MTCL1: variants seen among roughly 807,000 people sequenced by gnomAD.
MTCL1 encodes microtubule crosslinking factor 1.
A neutral mutation model predicts 141.4 loss-of-function variants in MTCL1; 79 were observed. The observed-to-expected ratio is 0.56, with a 90% CI of 0.47 to 0.67. The LOEUF is 0.67. Ranked by LOEUF, MTCL1 falls within the 30% of genes least tolerant of loss-of-function variation. The pLI is 0.00. For synonymous variants in MTCL1, 914 were observed against 875.8 expected (o/e 1.04, Z -0.77); for missense variants, 2,177 against 2,113.9 (o/e 1.03, Z -0.59).
At chr18:8,739,427 C>T (rs543803997) in intron 4 of MTCL1, among the ~76,000 whole-genome samples, 159 of 152,088 alleles carry the variant, frequency 1.0e-3, no homozygotes, top group African/African-American at 3.6e-3. Flanking sequence ...AATATGAATG[C>T]GCTTCCCCCT....
At chr18:8,724,679 G>T (rs1226921044) in intron 4 of MTCL1, among the ~76,000 whole-genome samples, 1 of 152,032 alleles carries the variant, frequency 6.6e-6, no homozygotes. Flanking sequence ...ACCCATCCCC[G>T]GCTCCCTGTT....
chr18:8,724,579 A>G (rs1232797933), intron 4 of MTCL1, among the ~76,000 whole-genome samples: 1 of 152,046 alleles, frequency 6.6e-6, no homozygotes, highest in African/African-American at 2.4e-5. Flanking sequence ...TACATGCCAA[A>G]ATTCTGAACA....
At chr18:8,713,021 T>A (rs1302405777), upstream of MTCL1, among the ~76,000 whole-genome samples, 1 of 152,254 alleles carries the variant, frequency 6.6e-6, no homozygotes, top group Non-Finnish European at 1.5e-5. Context: ...TGGATTTGAC[T>A]TTTATTATAT....
intron 14 of MTCL1, among the ~76,000 whole-genome samples, chr18:8,823,031 A>G (rs2076896679): frequency 6.6e-6 from 1 of 152,052 alleles, no homozygotes; most frequent in Non-Finnish European, 1.5e-5. Flanking sequence ...CTCAAAAAAA[A>G]AAAAAGATAG....
chr18:8,756,353 GTATATATGTATATATGTGTATATATGTA>G (rs1298402661), intron 4 of MTCL1, among the ~76,000 whole-genome samples: 17 of 149,794 alleles, frequency 1.1e-4, no homozygotes, highest in African/African-American at 4.2e-4. Context: ...ATATATATGT[GTATATATGTATATATGTGTATATATGTA>G]TATATGTGTA....
chr18:8,718,657 G>A lies in MTCL1; in HGVS notation c.198+9G>A, dbSNP rs757402805. 3.1e-6 allele frequency: 5 copies of A among 1,612,008 alleles called. No individual in the cohort carries two copies. The East Asian group carries it at 8.9e-5, about 29-fold the overall frequency. ...TGGAGCAGGACTTGAAGGTGAGTGA[G>A]GGGGTGGTGCGTGCACCTCGCAAGG... On this transcript the variant is annotated intron_variant, in intron 3 of 16. Coordinates refer to ENST00000359865, the Ensembl canonical transcript of MTCL1.
chr18:8,829,156 G>A, intron 16 of MTCL1: 1 of 985,438 alleles, frequency 1.0e-6, no homozygotes, highest in Non-Finnish European at 1.2e-6. Flanking sequence ...CTCTGCTAGA[G>A]GGTTGACCAC....
chr18:8,768,025 A>C (rs888514790), intron 4 of MTCL1, among the ~76,000 whole-genome samples: 3 of 152,216 alleles, frequency 2.0e-5, no homozygotes, highest in African/African-American at 7.2e-5. Context: ...TAATGGCTAC[A>C]CAATATTATA....
At chr18:8,759,888 G>A (rs904788097) in intron 4 of MTCL1, among the ~76,000 whole-genome samples, 30 of 152,074 alleles carry the variant, frequency 2.0e-4, no homozygotes, top group African/African-American at 7.0e-4. Context: ...CGTGGTTTGC[G>A]ATTCCCGGTT....
chr18:8,756,409 G>A (rs964679128), intron 4 of MTCL1, among the ~76,000 whole-genome samples: 10 of 147,962 alleles, frequency 6.8e-5, no homozygotes, highest in South Asian at 2.1e-4. Context: ...ATATATGTGT[G>A]TATATGTGTA....
intron 1 of MTCL1, among the ~76,000 whole-genome samples, chr18:8,710,158 A>G (rs1367566057): frequency 6.6e-6 from 1 of 152,208 alleles, no homozygotes; most frequent in East Asian, 1.9e-4. Context: ...ATTTTTTTAA[A>G]TAGTCAGTGT....
chr18:8,716,345 G>A (rs2096128044), upstream of MTCL1, among the ~76,000 whole-genome samples: 1 of 152,126 alleles, frequency 6.6e-6, no homozygotes, highest in Non-Finnish European at 1.5e-5. Flanking sequence ...GGATAGTGTA[G>A]GCAGAGTGGA....
At chr18:8,746,962 G>A (rs2096341967) in intron 4 of MTCL1, among the ~76,000 whole-genome samples, 1 of 152,188 alleles carries the variant, frequency 6.6e-6, no homozygotes, top group Non-Finnish European at 1.5e-5. Flanking sequence ...TTTAGCTGGA[G>A]AACCTGGACT....
chr18:8,711,881 C>T (rs542890981), intron 1 of MTCL1, among the ~76,000 whole-genome samples: 9 of 152,210 alleles, frequency 5.9e-5, no homozygotes, highest in East Asian at 3.9e-4. Flanking sequence ...TTTGGTAAAG[C>T]GCTGGTGTGT....
chr18:8,707,956 A>C (rs1361164237), intron 1 of MTCL1, among the ~76,000 whole-genome samples: 3 of 152,252 alleles, frequency 2.0e-5, no homozygotes, highest in East Asian at 3.8e-4. Flanking sequence ...AAGAAGTAAC[A>C]GTGAGGCAGA....
intron 4 of MTCL1, among the ~76,000 whole-genome samples, chr18:8,772,960 G>A (rs1019265116): frequency 2.0e-5 from 3 of 152,092 alleles, no homozygotes; most frequent in Non-Finnish European, 2.9e-5. Context: ...TGTATGAGAT[G>A]ATGGTTATGT....
At chr18:8,808,215 T>G (rs192875020) in intron 11 of MTCL1, among the ~76,000 whole-genome samples, 4 of 152,150 alleles carry the variant, frequency 2.6e-5, no homozygotes, top group Admixed American at 6.5e-5. Context: ...ATGCTCTGTT[T>G]ATCTTAGTCC....
At chr18:8,791,536 A>G (rs1386333863) in intron 7 of MTCL1, among the ~76,000 whole-genome samples, 1 of 151,608 alleles carries the variant, frequency 6.6e-6, no homozygotes. Context: ...GCAGGATTCA[A>G]CCCTAAGACT....
chr18:8,821,444 A>G, intron 13 of MTCL1, 23 bp from the exon 13 acceptor site: 1 of 1,440,858 alleles, frequency 6.9e-7, no homozygotes, highest in Non-Finnish European at 9.7e-7. Context: ...ACCGATTCAG[A>G]TGAAGTTATT....
Sources: gnomAD v4.1 joint callset for allele counts (sites outside exome capture counted in the v4.1 genomes callset) on GRCh38, gnomAD v4.1.1 for gene constraint, MANE v1.5 for transcripts, NCBI Gene and HGNC (gene_info 2026-07-23, HGNC 2026-07-21) for gene names.